The following EEPD1 variants were observed in gnomAD, a reference collection of about 807,000 sequenced individuals.
EEPD1 encodes endonuclease/exonuclease/phosphatase family domain-containing protein 1.
A neutral mutation model predicts 46.3 loss-of-function variants in EEPD1; 17 were observed. That is an observed-to-expected ratio of 0.37 (90% CI 0.25 to 0.55). The LOEUF is 0.55. EEPD1 is among the 20% of genes least tolerant of loss of function. The pLI is 0.83. For missense variants in EEPD1, 673 were observed against 745.6 expected (o/e 0.90, Z 1.13); for synonymous variants, 313 against 315.6 (o/e 0.99, Z 0.09).
chr7:36,156,989 A>G (rs1784835689), intron 2 of EEPD1, among the ~76,000 whole-genome samples: 1 of 151,734 alleles, frequency 6.6e-6, no homozygotes, highest in Non-Finnish European at 1.5e-5. Context: ...GAAAAAAAAA[A>G]GTTGTGTCTA....
intron 2 of EEPD1, among the ~76,000 whole-genome samples, chr7:36,188,883 A>G (rs1785412123): frequency 6.6e-6 from 1 of 152,158 alleles, no homozygotes; most frequent in Non-Finnish European, 1.5e-5. Context: ...TCATTATGGA[A>G]GTGTTTAAGT....
chr7:36,185,698 G>A (rs1203976243), intron 2 of EEPD1, among the ~76,000 whole-genome samples: 1 of 152,202 alleles, frequency 6.6e-6, no homozygotes, highest in Admixed American at 6.5e-5. Context: ...CTAAGTTAGA[G>A]ATGCCTCCTA....
At chr7:36,250,186 C>T (rs982903598) in intron 3 of EEPD1, among the ~76,000 whole-genome samples, 1 of 152,208 alleles carries the variant, frequency 6.6e-6, no homozygotes, top group African/African-American at 2.4e-5. Context: ...TGCACCACTG[C>T]ACTCCAGTCT....
At chr7:36,249,259 T>C (rs1237402693) in intron 3 of EEPD1, among the ~76,000 whole-genome samples, 1 of 152,112 alleles carries the variant, frequency 6.6e-6, no homozygotes, top group African/African-American at 2.4e-5. Context: ...TTTTAAAGCA[T>C]GATGTGTAAT....
intron 3 of EEPD1, among the ~76,000 whole-genome samples, chr7:36,251,161 C>T (rs770892390): frequency 2.0e-5 from 3 of 152,212 alleles, no homozygotes; most frequent in Non-Finnish European, 4.4e-5. Flanking sequence ...CATTCTTAAT[C>T]CTCTTCTTTC....
At chr7:36,172,433 G>C (rs111878011) in intron 2 of EEPD1, among the ~76,000 whole-genome samples, 1 of 152,134 alleles carries the variant, frequency 6.6e-6, no homozygotes, top group African/African-American at 2.4e-5. Context: ...CAGAGACCCA[G>C]GGAGGGCATG....
At chr7:36,236,818 A>G (rs568435878) in intron 2 of EEPD1, among the ~76,000 whole-genome samples, 3 of 152,334 alleles carry the variant, frequency 2.0e-5, no homozygotes, top group South Asian at 2.1e-4. Context: ...CGGATCAATC[A>G]GTGCTCTGTA....
At chr7:36,230,093 G>A (rs1404919371) in intron 2 of EEPD1, among the ~76,000 whole-genome samples, 4 of 151,972 alleles carry the variant, frequency 2.6e-5, no homozygotes, top group African/African-American at 9.7e-5. Context: ...AGTTTCACAA[G>A]GTGGAAACTG....
chr7:36,173,122 T>G lies in EEPD1; in HGVS notation c.878+17920T>G, dbSNP rs150526792. On this transcript the variant is annotated intron_variant, in intron 2 of 7. Coordinates refer to ENST00000242108, the MANE Select transcript of EEPD1 (RefSeq NM_030636.3). ...CTTCTTGAACTGTAATCTCCACATGTCAAGGGAGGGACCTGGTGGGAGGGG... is the reference window on the plus strand; with the variant it reads ...CTTCTTGAACTGTAATCTCCACATGGCAAGGGAGGGACCTGGTGGGAGGGG... Among the ~76,000 whole-genome samples the G allele has an allele frequency of 5.9e-3, 893 of 152,092 alleles. 4 individuals carry two copies. The highest frequency in any genetic ancestry group is 7.2e-3 in the Non-Finnish European group (489 of 67,988).
At chr7:36,275,199 C>G (rs73686807) in intron 3 of EEPD1, among the ~76,000 whole-genome samples, 3,215 of 152,274 alleles carry the variant, frequency 0.021, 125 homozygotes, top group African/African-American at 0.074. Flanking sequence ...CATGCCCTCC[C>G]CACCCATCCA....
chr7:36,273,126 G>A (rs1787136025), intron 3 of EEPD1, among the ~76,000 whole-genome samples: 1 of 90,922 alleles, frequency 1.1e-5, no homozygotes, highest in African/African-American at 3.8e-5. Context: ...TTTGGTGCAT[G>A]CTTACACACA....
Position 36,263,569 on chromosome 7 carries a change from C to T in EEPD1, c.931-17546C>T, listed in dbSNP as rs142713957. ...TATAGCTCTGGGGATCTTCAGGGGTCAGAAGTGTCCAGGATTAAAACAAGA... is the reference window on the plus strand; with the variant it reads ...TATAGCTCTGGGGATCTTCAGGGGTTAGAAGTGTCCAGGATTAAAACAAGA... On this transcript the variant is annotated intron_variant, in intron 3 of 7. Transcript: ENST00000242108. 1.1e-3 allele frequency among the ~76,000 whole-genome samples: 168 copies of T among 152,248 alleles called. 2 individuals are homozygous for T. The highest frequency in any genetic ancestry group is 1.6e-4 in the Non-Finnish European group (11 of 68,006).
At chr7:36,274,923 T>C (rs1787161845) in intron 3 of EEPD1, among the ~76,000 whole-genome samples, 1 of 152,208 alleles carries the variant, frequency 6.6e-6, no homozygotes. Context: ...AAGTTCAGTC[T>C]CCTGACCTTG....
At position 36,299,275 on chromosome 7, in the gene EEPD1, G is replaced by C. The variant is rs1320946248; in HGVS notation, c.*69G>C. On this transcript the variant is annotated 3_prime_UTR_variant, in exon 8 of 8. Coordinates refer to ENST00000242108, the MANE Select transcript of EEPD1 (RefSeq NM_030636.3). ...AGCCAAGGAATGAGCCCTGTGGGGTGACGCTTCAGGGCAGAGCTGCCTTTT... is the reference window on the plus strand; with the variant it reads ...AGCCAAGGAATGAGCCCTGTGGGGTCACGCTTCAGGGCAGAGCTGCCTTTT... 2.0e-6 allele frequency: 3 copies of C among 1,523,870 alleles called. No homozygotes were observed. The highest frequency in any genetic ancestry group is 2.7e-5 in the African/African-American group (2 of 72,886). The allele number at this position is 1,523,870 out of a possible 1,614,324, so 94.4% of individuals were successfully genotyped here. A position where few individuals can be genotyped will look rare whatever the true frequency, so the allele number is the denominator to read the frequency against.
chr7:36,231,441 A>G (rs1318811252), intron 2 of EEPD1, among the ~76,000 whole-genome samples: 2 of 152,164 alleles, frequency 1.3e-5, no homozygotes, highest in African/African-American at 4.8e-5. Flanking sequence ...TGCAGTTTTC[A>G]TCTGCTTGGG....
intron 2 of EEPD1, among the ~76,000 whole-genome samples, chr7:36,234,286 CT>C (rs1443691515): frequency 2.0e-5 from 3 of 152,150 alleles, no homozygotes; most frequent in African/African-American, 7.2e-5. Context: ...CTTGAAGCTG[CT>C]TTTAAATTAG....
At chr7:36,245,015 G>T (rs549228275) in intron 3 of EEPD1, among the ~76,000 whole-genome samples, 7 of 151,234 alleles carry the variant, frequency 4.6e-5, no homozygotes, top group Non-Finnish European at 1.0e-4. Context: ...GTATGATCTC[G>T]GCTCACTGCA....
rs56236165 is a variant in EEPD1, at chr7:36,165,411, C to CTTTTTTTTTTTT, written c.878+10226_878+10237dup. Among the ~76,000 whole-genome samples the CTTTTTTTTTTTT allele has an allele frequency of 2.7e-4, 17 of 62,064 alleles. 2 individuals are homozygous for CTTTTTTTTTTTT. The highest frequency in any genetic ancestry group is 1.1e-3 in the African/African-American group (15 of 14,078). The allele number at this position is 62,064 out of a possible 152,430, so 40.7% of individuals were successfully genotyped here. ...ATGAAATCGCCTAATGATCCATTTC[C>CTTTTTTTTTTTT]TTTTTTTTTTTTTTTTTTTTTTTTT... On this transcript the variant is annotated intron_variant, in intron 2 of 7. Coordinates refer to ENST00000242108, the MANE Select transcript of EEPD1 (RefSeq NM_030636.3).
Position 36,284,729 on chromosome 7 carries a change from T to C in EEPD1, c.1085T>C (p.Met362Thr), listed in dbSNP as rs1262098054. Residue 362 changes from methionine (M) to threonine (T), a missense_variant, in exon 5 of 8, where the codon ATG (methionine) becomes ACG (threonine). Coordinates refer to ENST00000242108, the MANE Select transcript of EEPD1 (RefSeq NM_030636.3). ...TTCCTATGGGACGCGGCTGCCGGCA[T>C]GGAGCTGAGAGACGCGGGTTCACAG... is the stretch of plus-strand genomic sequence containing the variant. ...AGFLWDAAAG[M>T]ELRDAGSQES... The C allele has an allele frequency of 7.4e-6, 12 of 1,611,058 alleles. No homozygotes were observed. The highest frequency in any genetic ancestry group is 1.0e-5 in the Non-Finnish European group (12 of 1,178,580).
Sources: allele counts gnomAD v4.1 joint callset (sites outside exome capture counted in the v4.1 genomes callset), GRCh38; gene constraint gnomAD v4.1.1; transcripts MANE v1.5; gene names NCBI Gene and HGNC (gene_info 2026-07-23, HGNC 2026-07-21).